Variants in BABAM2 observed in about 807,000 individuals in gnomAD.
BABAM2 encodes the protein BRISC and BRCA1 A complex member 2, also known as BRISC and BRCA1-A complex member 2.
Under a neutral mutation model 54.7 loss-of-function variants are expected in BABAM2, and 31 were observed. That is an observed-to-expected ratio of 0.57 (90% confidence interval 0.43 to 0.77). The LOEUF (loss-of-function observed/expected upper bound fraction) is 0.77. Among genes scored for constraint, BABAM2 ranks in the 30% least tolerant of loss-of-function variants. The pLI, the probability that BABAM2 is intolerant of heterozygous loss-of-function variation, is 0.00. For synonymous variants in BABAM2, 167 were observed against 162.9 expected, an observed-to-expected ratio of 1.03 and a Z score of -0.19; for missense variants, 364 against 455.8, an observed-to-expected ratio of 0.80 and a Z score of 1.83.
chr2:28,040,070 C>G (rs1255592379), intron 5 of BABAM2, among the ~76,000 whole-genome samples: 1 of 151,994 alleles, frequency 6.6e-6, no homozygotes, highest in Non-Finnish European at 1.5e-5. Context: ...AACTGAGTGA[C>G]CATAAATTGC....
chr2:28,165,425 C>G (rs2147827564), intron 7 of BABAM2, among the ~76,000 whole-genome samples: 1 of 150,380 alleles, frequency 6.6e-6, no homozygotes, highest in African/African-American at 2.4e-5. Context: ...AGTTGGGTAG[C>G]CAAGTTGTTA....
chr2:27,905,586 T>C (rs1029684890), intron 2 of BABAM2, among the ~76,000 whole-genome samples: 1 of 152,162 alleles, frequency 6.6e-6, no homozygotes, highest in African/African-American at 2.4e-5. Context: ...ATAAATAATA[T>C]GTGGTATGAT....
At chr2:28,223,369 C>T (rs1266994549) in intron 7 of BABAM2, among the ~76,000 whole-genome samples, 1 of 152,194 alleles carries the variant, frequency 6.6e-6, no homozygotes, top group Non-Finnish European at 1.5e-5. Context: ...CCATGCTCAC[C>T]TTTGTGGACA....
At chr2:27,963,796 G>A (rs1303802153) in intron 3 of BABAM2, among the ~76,000 whole-genome samples, 1 of 152,112 alleles carries the variant, frequency 6.6e-6, no homozygotes, top group Non-Finnish European at 1.5e-5. Flanking sequence ...ATACTCTAGG[G>A]TTGTATTTTT....
At chr2:28,257,780 A>G (rs1026046595) in intron 10 of BABAM2, among the ~76,000 whole-genome samples, 12 of 152,092 alleles carry the variant, frequency 7.9e-5, no homozygotes, top group African/African-American at 2.7e-4. Flanking sequence ...AGCTACTCAG[A>G]AGGCTGAAGT....
intron 6 of BABAM2, among the ~76,000 whole-genome samples, chr2:28,089,369 G>A (rs1665964323): frequency 6.6e-6 from 1 of 152,140 alleles, no homozygotes; most frequent in Non-Finnish European, 1.5e-5. Flanking sequence ...CTATGTCTTG[G>A]CCACCTCTTT....
At chr2:27,908,408 G>GA (rs1447419904) in intron 2 of BABAM2, among the ~76,000 whole-genome samples, 1 of 152,022 alleles carries the variant, frequency 6.6e-6, no homozygotes, top group Non-Finnish European at 1.5e-5. Context: ...GAGTAGCTGG[G>GA]ACTAAAGCAC....
rs1676298023 is a variant in BABAM2, at chr2:28,031,636, ATCTCT to A, written c.495+6217_495+6221del. 4.6e-5 allele frequency among the ~76,000 whole-genome samples: 7 copies of A among 152,224 alleles called. No homozygotes were observed. The South Asian group carries it at 8.3e-4, about 18-fold the overall frequency. ...ATCCAATTTGGAAGGTTTAATCTGT[ATCTCT>A]AAAAGAGGAATTTGAACAATACTGG... On this transcript the variant is annotated intron_variant, in intron 5 of 11. Coordinates refer to ENST00000379624, the MANE Select transcript of BABAM2 (RefSeq NM_199191.3).
At chr2:27,929,079 G>T (rs1667918858) in intron 2 of BABAM2, among the ~76,000 whole-genome samples, 2 of 148,750 alleles carry the variant, frequency 1.3e-5, no homozygotes, top group African/African-American at 2.5e-5. Flanking sequence ...AAAGCCAGGT[G>T]TGGTGGTGTG....
At chr2:28,011,929 A>G (rs1311918316) in intron 4 of BABAM2, among the ~76,000 whole-genome samples, 1 of 152,192 alleles carries the variant, frequency 6.6e-6, no homozygotes, top group East Asian at 1.9e-4. Flanking sequence ...ATGATCTTTC[A>G]TTGTGATTTA....
chr2:28,160,739 T>G (rs1358190133), intron 7 of BABAM2, among the ~76,000 whole-genome samples: 1 of 151,276 alleles, frequency 6.6e-6, no homozygotes, highest in African/African-American at 2.4e-5. Flanking sequence ...TAAATTGTTT[T>G]TTTTTTTTTT....
chr2:28,242,137 A>C (rs1230372114), intron 9 of BABAM2, among the ~76,000 whole-genome samples: 1 of 152,140 alleles, frequency 6.6e-6, no homozygotes, highest in African/African-American at 2.4e-5. Context: ...CGCCCCTAGA[A>C]GAAGTGGAGC....
At chr2:28,316,047 T>G (rs1689525498) in intron 11 of BABAM2, among the ~76,000 whole-genome samples, 1 of 152,112 alleles carries the variant, frequency 6.6e-6, no homozygotes, top group Admixed American at 6.5e-5. Context: ...ATTTAGCAAT[T>G]AAAAATGCAA....
chr2:28,071,381 G>A (rs1350830190), intron 6 of BABAM2, among the ~76,000 whole-genome samples: 1 of 152,302 alleles, frequency 6.6e-6, no homozygotes, highest in South Asian at 2.1e-4. Flanking sequence ...TCATTGTGCA[G>A]TTCAGCATGT....
At chr2:28,333,790 G>A (rs1291399766) in intron 11 of BABAM2, among the ~76,000 whole-genome samples, 1 of 152,208 alleles carries the variant, frequency 6.6e-6, no homozygotes, top group East Asian at 1.9e-4. Flanking sequence ...ATGGGGAGGT[G>A]AGAAGACTTC....
chr2:28,065,895 C>T (rs1180730542), intron 6 of BABAM2, among the ~76,000 whole-genome samples: 2 of 150,056 alleles, frequency 1.3e-5, no homozygotes, highest in African/African-American at 4.9e-5. Context: ...AATCCCAGCA[C>T]TTTGGGAGGC....
At chr2:28,296,680 G>A (rs974701067) in intron 10 of BABAM2, among the ~76,000 whole-genome samples, 3 of 151,930 alleles carry the variant, frequency 2.0e-5, no homozygotes, top group Admixed American at 6.6e-5. Flanking sequence ...TATCTAGCAT[G>A]TATTTTTATT....
chr2:28,245,836 T>G (rs75755577), intron 10 of BABAM2, among the ~76,000 whole-genome samples: 2 of 152,214 alleles, frequency 1.3e-5, no homozygotes, highest in Non-Finnish European at 2.9e-5. Flanking sequence ...GTAAAGATAC[T>G]GACTTTAAGG....
intron 7 of BABAM2, among the ~76,000 whole-genome samples, chr2:28,196,163 T>G (rs796159254): frequency 6.6e-6 from 1 of 151,750 alleles, no homozygotes; most frequent in African/African-American, 2.4e-5. Flanking sequence ...CCGTCTCTAC[T>G]AAAAATACAA....
Sources: allele counts gnomAD v4.1 joint callset (sites outside exome capture counted in the v4.1 genomes callset), GRCh38; gene constraint gnomAD v4.1.1; transcripts MANE v1.5; gene names NCBI Gene and HGNC (gene_info 2026-07-23, HGNC 2026-07-21).